Variants in KCTD5 observed in about 807,000 individuals in gnomAD.
KCTD5 encodes BTB/POZ domain-containing protein KCTD5.
Under a neutral mutation model 27.9 loss-of-function variants are expected in KCTD5, and 12 were observed. That is an observed-to-expected ratio of 0.43 (90% CI 0.28 to 0.70). The LOEUF is 0.70. Ranked by LOEUF, KCTD5 falls within the 30% of genes least tolerant of loss-of-function variation. The pLI is 0.19. For synonymous variants in KCTD5, 147 were observed against 121.4 expected, an observed-to-expected ratio of 1.21 and a Z score of -1.39; for missense variants, 226 against 274.8, an observed-to-expected ratio of 0.82 and a Z score of 1.26.
intron 1 of KCTD5, chr16:2,685,525 T>C (rs555564581): frequency 1.3e-5 from 2 of 149,232 alleles, no homozygotes; most frequent in East Asian, 3.9e-4. Flanking sequence ...CTAATTCATA[T>C]TAGTCACGTT....
At chr16:2,707,211 C>A in intron 5 of KCTD5, 87 bp from the exon 6 acceptor site, 1 of 1,338,408 alleles carries the variant, frequency 7.5e-7, no homozygotes, top group Non-Finnish European at 1.1e-6. Flanking sequence ...AACCCCAGGC[C>A]TGTGGGCTCT....
At chr16:2,693,170 C>G (rs1403869147) in intron 1 of KCTD5, among the ~76,000 whole-genome samples, 2 of 152,276 alleles carry the variant, frequency 1.3e-5, no homozygotes. Context: ...ACAGCCCCAG[C>G]TCTGCATCGG....
At chr16:2,703,442 G>A (rs929931193) in intron 5 of KCTD5, among the ~76,000 whole-genome samples, 2 of 152,144 alleles carry the variant, frequency 1.3e-5, no homozygotes, top group African/African-American at 4.8e-5. Context: ...TGGGTGCCAT[G>A]AGAGGCCAGA....
At position 2,702,370 on chromosome 16, in the gene KCTD5, C is replaced by T. The variant is rs1054287356; in HGVS notation, c.567C>T (p.Ser189=). 8.1e-6 allele frequency: 13 copies of T among 1,613,442 alleles called. No individual in the cohort carries two copies. Among genetic ancestry groups the T allele is most frequent in the Non-Finnish European group, 1.1e-5 (13 of 1,179,980 alleles). The change falls in exon 5 of 6, where the codon TCC becomes TCT. Residue 189 remains serine (S), a synonymous_variant. Coordinates refer to ENST00000301738, the MANE Select transcript of KCTD5 (RefSeq NM_018992.4). ...WKFEQLVSIG[S]SYNYGNEDQA... ...CCTTGCAGTTGGTCAGCATCGGCTC[C>T]TCTTACAACTATGGGAACGAAGACC...
Position 2,707,754 on chromosome 16 carries a change from T to G in KCTD5, c.*427T>G. 1 of 370,682 alleles carries G rather than the reference T, an allele frequency of 2.7e-6. No individual in the cohort carries two copies. The highest frequency in any genetic ancestry group is 4.9e-6 in the Non-Finnish European group (1 of 204,480). The allele number at this position is 370,682 out of a possible 1,614,324, so 23.0% of individuals were successfully genotyped here. Reference sequence around the variant, plus strand: ...GTGTCCAGCACGTCGTGGCCTCTGGTCCGACCACCAGGCCCTAGTCTCGGT... The same window carrying G: ...GTGTCCAGCACGTCGTGGCCTCTGGGCCGACCACCAGGCCCTAGTCTCGGT... On this transcript the variant is annotated 3_prime_UTR_variant, in exon 6 of 6. Coordinates refer to ENST00000301738, the MANE Select transcript of KCTD5 (RefSeq NM_018992.4).
intron 1 of KCTD5, chr16:2,683,131 C>G (rs1235022813): frequency 6.6e-5 from 17 of 256,892 alleles, no homozygotes; most frequent in African/African-American, 3.6e-4. Context: ...TTCTTTTTCT[C>G]ACTAGGTTCT....
chr16:2,685,280 T>G (rs2067535899), intron 1 of KCTD5, among the ~76,000 whole-genome samples: 1 of 148,028 alleles, frequency 6.8e-6, no homozygotes, highest in Non-Finnish European at 1.5e-5. Flanking sequence ...ACAAAAAAAT[T>G]AGCTGGGCAT....
chr16:2,697,860 G>A (rs764001001), intron 2 of KCTD5, 46 bp from the exon 3 acceptor site: 13 of 1,358,332 alleles, frequency 9.6e-6, no homozygotes, highest in Admixed American at 1.7e-5. Flanking sequence ...TGGATTCTTT[G>A]GTTTAGTTTG....
At chr16:2,700,574 C>G (rs566778820) in intron 4 of KCTD5, among the ~76,000 whole-genome samples, 1 of 152,310 alleles carries the variant, frequency 6.6e-6, no homozygotes, top group South Asian at 2.1e-4. Context: ...CTGGCTGCCA[C>G]TGTTCCTGGT....
chr16:2,693,340 A>G (rs2067575197), intron 1 of KCTD5, among the ~76,000 whole-genome samples: 1 of 152,174 alleles, frequency 6.6e-6, no homozygotes, highest in African/African-American at 2.4e-5. Flanking sequence ...TGCTGGCATC[A>G]CCGCACTGGG....
At chr16:2,700,508 G>A (rs1286941484) in intron 4 of KCTD5, among the ~76,000 whole-genome samples, 4 of 106,494 alleles carry the variant, frequency 3.8e-5, no homozygotes, top group Non-Finnish European at 6.4e-5. Flanking sequence ...GCTTGTCATC[G>A]GGGACCTCAG....
chr16:2,682,523 G>T lies in KCTD5; in HGVS notation c.-26G>T. 7.2e-7 allele frequency: 1 copy of T among 1,385,408 alleles called. No homozygotes were observed. The highest frequency in any genetic ancestry group is 9.3e-7 in the Non-Finnish European group (1 of 1,070,272). The allele number at this position is 1,385,408 out of a possible 1,614,324, so 85.8% of individuals were successfully genotyped here. Reference sequence around the variant, plus strand: ...AAAGCCGGACGCTTCCGGTGGAAGGGAGCTGTTGCGGGGCTTGCTGGGATC... The same window carrying T: ...AAAGCCGGACGCTTCCGGTGGAAGGTAGCTGTTGCGGGGCTTGCTGGGATC... On this transcript the variant is annotated 5_prime_UTR_variant, in exon 1 of 6. Transcript: ENST00000301738.
At chr16:2,690,689 C>T (rs181405398) in intron 1 of KCTD5, among the ~76,000 whole-genome samples, 43 of 152,314 alleles carry the variant, frequency 2.8e-4, no homozygotes, top group African/African-American at 9.4e-4. Flanking sequence ...GTCGTAGAGG[C>T]GTGAGCGGGC....
intron 1 of KCTD5, among the ~76,000 whole-genome samples, chr16:2,687,086 C>A (rs1319226724): frequency 6.6e-6 from 1 of 152,198 alleles, no homozygotes. Flanking sequence ...GCTGGGGGCT[C>A]CCCGCTCCTT....
In KCTD5 at chr16:2,704,247, G is replaced by A. The variant is rs1291995477; in HGVS notation, c.675+1769G>A. On this transcript the variant is annotated intron_variant, in intron 5 of 5. Coordinates refer to ENST00000301738, the MANE Select transcript of KCTD5 (RefSeq NM_018992.4). ...GCTCAGGCCAGAGCCTCAGGAGGCCGTGGGGGATTGCGGGGGCCAGAGCTG... is the reference window on the plus strand; with the variant it reads ...GCTCAGGCCAGAGCCTCAGGAGGCCATGGGGGATTGCGGGGGCCAGAGCTG... Among the ~76,000 whole-genome samples, 8 of 152,242 alleles carry A rather than the reference G, an allele frequency of 5.3e-5. No homozygotes were observed. In the East Asian group the frequency reaches 5.8e-4, roughly 11 times the overall value.
At chr16:2,696,622 C>T (rs1048085833) in intron 2 of KCTD5, among the ~76,000 whole-genome samples, 73 of 152,198 alleles carry the variant, frequency 4.8e-4, no homozygotes, top group Non-Finnish European at 8.2e-4. Context: ...GAGGCCTCGC[C>T]GTGAAGGCTG....
At chr16:2,705,365 CA>C (rs1567196877) in intron 5 of KCTD5, among the ~76,000 whole-genome samples, 1 of 152,134 alleles carries the variant, frequency 6.6e-6, no homozygotes, top group African/African-American at 2.4e-5. Flanking sequence ...GGCAGATGCC[CA>C]GGGGCAGTGT....
At chr16:2,702,148 G>C (rs565117116) in intron 4 of KCTD5, among the ~76,000 whole-genome samples, 4 of 152,306 alleles carry the variant, frequency 2.6e-5, no homozygotes, top group South Asian at 2.1e-4. Flanking sequence ...GGAAGAGCTC[G>C]CCCCATGCCA....
intron 5 of KCTD5, among the ~76,000 whole-genome samples, chr16:2,705,151 A>G (rs1222916563): frequency 6.6e-6 from 1 of 152,208 alleles, no homozygotes; most frequent in Non-Finnish European, 1.5e-5. Flanking sequence ...GACGAGGACC[A>G]GGGGCACCCA....
Sources: allele counts gnomAD v4.1 joint callset (sites outside exome capture counted in the v4.1 genomes callset), GRCh38; gene constraint gnomAD v4.1.1; transcripts MANE v1.5; gene names NCBI Gene and HGNC (gene_info 2026-07-23, HGNC 2026-07-21).